Variants in USP38 observed in about 807,000 individuals in gnomAD.
USP38 encodes ubiquitin carboxyl-terminal hydrolase 38.
USP38 carries 49 observed loss-of-function variants against 94.3 expected under a neutral mutation model. The observed-to-expected ratio is 0.52, with a 90% CI of 0.41 to 0.66. The LOEUF is 0.66. Among genes scored for constraint, USP38 ranks in the 30% least tolerant of loss-of-function variants. USP38 has a pLI of 0.00. For synonymous variants in USP38, 468 were observed against 463.6 expected (o/e 1.01, Z -0.12); for missense variants, 1,128 against 1,229.4 (o/e 0.92, Z 1.23).
In USP38 at chr4:143,214,606, A is replaced by G; in HGVS notation, c.2630A>G (p.Gln877Arg). The G allele has an allele frequency of 6.2e-7, 1 of 1,613,674 alleles. No homozygotes were observed. The highest frequency in any genetic ancestry group is 8.5e-7 in the Non-Finnish European group (1 of 1,179,804). The change falls in exon 9 of 10, where the codon CAG becomes CGG. Residue 877 changes from glutamine to arginine, a missense_variant. Coordinates refer to ENST00000307017, the MANE Select transcript of USP38 (RefSeq NM_032557.6). ...STDSSYQMYH[Q>R]SEALALASSQ... is the part of the protein sequence containing the mutation. ...GACTCTTCATATCAGATGTACCACC[A>G]GTCTGAGGCTCTGGCATTAGCATCC...
chr4:143,185,951 C>T lies in USP38; in HGVS notation c.501C>T (p.Phe167=), dbSNP rs1319703899. The change falls in exon 1 of 10, where the codon TTC becomes TTT. Residue 167 remains phenylalanine, a synonymous_variant. Transcript: ENST00000307017. ...CIPKGKLSIT[F]CQQLVRTIGH... is the part of the protein sequence containing the mutation. ...CCAAGGGGAAATTGTCCATCACGTT[C>T]TGTCAACAGCTGGTTCGAACGATAG... is the stretch of plus-strand genomic sequence containing the variant. 1.9e-6 allele frequency: 3 copies of T among 1,614,192 alleles called. No individual in the cohort carries two copies. Among genetic ancestry groups the T allele is most frequent in the Non-Finnish European group, 2.5e-6 (3 of 1,180,042 alleles).
intron 4 of USP38, among the ~76,000 whole-genome samples, chr4:143,200,431 C>T (rs551933996): frequency 1.3e-5 from 2 of 152,192 alleles, no homozygotes; most frequent in East Asian, 1.9e-4. Context: ...ACATTATACT[C>T]AATGGGCAAA....
chr4:143,206,196 G>A lies in USP38; in HGVS notation c.1373G>A (p.Ser458Asn). The A allele has an allele frequency of 1.9e-6, 3 of 1,604,352 alleles. No homozygotes were observed. The highest frequency in any genetic ancestry group is 2.5e-6 in the Non-Finnish European group (3 of 1,176,888). The stretch of plus-strand genomic sequence containing the variant: ...CTAGGAAATACATGTTATATGAACA[G>A]TGTTATACAAGCCTTGTTTATGGCC... ...INLGNTCYMN[S>N]VIQALFMATD... Residue 458 changes from serine (S) to asparagine (N), a missense_variant, in exon 6 of 10, where the codon AGT (serine) becomes AAT (asparagine). Transcript: ENST00000307017.
At chr4:143,196,585 C>T (rs1445137359) in intron 3 of USP38, among the ~76,000 whole-genome samples, 1 of 152,260 alleles carries the variant, frequency 6.6e-6, no homozygotes, top group Non-Finnish European at 1.5e-5. Flanking sequence ...TTATCAGTCT[C>T]CTGTACTTAC....
intron 1 of USP38, among the ~76,000 whole-genome samples, 154 bp downstream of exon 1, chr4:143,186,286 A>G (rs919160413): frequency 2.6e-5 from 4 of 152,124 alleles, no homozygotes; most frequent in Non-Finnish European, 5.9e-5. Flanking sequence ...CACATTCACT[A>G]CCTTATTCAG....
At chr4:143,189,324 C>A (rs1316327470) in intron 2 of USP38, among the ~76,000 whole-genome samples, 1 of 151,962 alleles carries the variant, frequency 6.6e-6, no homozygotes, top group Middle Eastern at 3.4e-3. Context: ...TTGTGTCTGT[C>A]TGTTCTTATT....
chr4:143,189,432 C>T (rs1731330898), intron 2 of USP38, among the ~76,000 whole-genome samples: 1 of 151,928 alleles, frequency 6.6e-6, no homozygotes, highest in Non-Finnish European at 1.5e-5. Context: ...AAAATGGTTT[C>T]TGTGCCCCTG....
At position 143,185,332 on chromosome 4, in the gene USP38, C is replaced by G. The variant is rs1023317763; in HGVS notation, c.-119C>G. ...TGCTGAGGCGGCGGTGGCCGTGGCC[C>G]GTCGCGCTGCTGCTGCGGCGCTCCA... On this transcript the variant is annotated 5_prime_UTR_variant, in exon 1 of 10. Coordinates refer to ENST00000307017, the MANE Select transcript of USP38 (RefSeq NM_032557.6). 2.6e-6 allele frequency: 3 copies of G among 1,143,088 alleles called. No individual in the cohort carries two copies. The highest frequency in any genetic ancestry group is 1.6e-5 in the African/African-American group (1 of 64,106). 70.8% of individuals were successfully genotyped at this position (1,143,088 alleles called of 1,614,324 possible).
At chr4:143,217,764 G>A (rs927960411) in intron 9 of USP38, among the ~76,000 whole-genome samples, 3 of 152,116 alleles carry the variant, frequency 2.0e-5, no homozygotes, top group South Asian at 2.1e-4. Context: ...GGCAAGATCC[G>A]TGGTTTTGAA....
rs1376680766 is a variant in USP38 at position 143,214,846 on chromosome 4, G to A, written c.2870G>A (p.Gly957Asp). ...CAGCATAGTACTAATGGTTTAAGTG[G>A]TAATAACCCAACCAGTGGACTCTGG... ...KKQHSTNGLS[G>D]NNPTSGLWIN... Residue 957 changes from glycine (G) to aspartate (D), a missense_variant, in exon 9 of 10, where the codon GGT becomes GAT. Physicochemically the swap from Gly to Asp is moderately conservative, Grantham distance 94. Transcript: ENST00000307017. The A allele has an allele frequency of 3.4e-5, 55 of 1,613,566 alleles. No homozygotes were observed. Among genetic ancestry groups the A allele is most frequent in the Non-Finnish European group, 4.6e-5 (54 of 1,179,714 alleles).
Position 143,185,826 on chromosome 4 carries a change from C to G in USP38, c.376C>G (p.Leu126Val), listed in dbSNP as rs1461729562. Residue 126 changes from leucine (L) to valine (V), a missense_variant, in exon 1 of 10, where the codon CTC becomes GTC. Transcript: ENST00000307017. ...SCPSVLDLFS[L>V]LQVEVLRMVC... ...TCCGTCGGTGCTGGATCTCTTTAGC[C>G]TCCTGCAGGTAGAGGTGTTACGGAT... 1.2e-6 allele frequency: 2 copies of G among 1,614,102 alleles called. No individual in the cohort carries two copies. Among genetic ancestry groups the G allele is most frequent in the Admixed American group, 1.7e-5 (1 of 60,006 alleles).
chr4:143,206,719 T>C (rs1383223577), intron 6 of USP38, among the ~76,000 whole-genome samples: 1 of 152,144 alleles, frequency 6.6e-6, no homozygotes, highest in African/African-American at 2.4e-5. Context: ...TTAATTCTGC[T>C]TATTATTCAT....
chr4:143,202,106 A>C (rs1222359204), intron 4 of USP38, among the ~76,000 whole-genome samples: 1 of 152,042 alleles, frequency 6.6e-6, no homozygotes, highest in Non-Finnish European at 1.5e-5. Flanking sequence ...TCTGACTTTT[A>C]GCAAGAGAAT....
At chr4:143,186,878 G>A (rs572973477) in intron 1 of USP38, among the ~76,000 whole-genome samples, 1 of 152,184 alleles carries the variant, frequency 6.6e-6, no homozygotes, top group African/African-American at 2.4e-5. Context: ...GTTCATTTCC[G>A]CTCTACTTGG....
At chr4:143,215,292 G>T in intron 9 of USP38, 1 of 226,782 alleles carries the variant, frequency 4.4e-6, no homozygotes, top group Non-Finnish European at 8.7e-6. Flanking sequence ...GCTAAATGTG[G>T]TATTTATGCC....
Position 143,221,674 on chromosome 4 carries a change from GAGTTA to G in USP38, c.*1219_*1223del, listed in dbSNP as rs1428656513. ...TGGTTCTTGATTATACAGTACTCAAGAGTTATCCCAGTTATCCCCCTTCCTAAAGG... is the reference window on the plus strand; with the variant it reads ...TGGTTCTTGATTATACAGTACTCAAGTCCCAGTTATCCCCCTTCCTAAAGG... On this transcript the variant is annotated 3_prime_UTR_variant, in exon 10 of 10. Coordinates refer to ENST00000307017, the MANE Select transcript of USP38 (RefSeq NM_032557.6). 1 of 152,098 alleles carries G rather than the reference GAGTTA, an allele frequency of 6.6e-6. No individual in the cohort carries two copies. Among genetic ancestry groups the G allele is most frequent in the African/African-American group, 2.4e-5 (1 of 41,450 alleles). 9.4% of individuals were successfully genotyped at this position (152,098 alleles called of 1,614,324 possible). A position where few individuals can be genotyped will look rare whatever the true frequency, so the allele number is the denominator to read the frequency against.
At position 143,185,221 on chromosome 4, in the gene USP38, C is replaced by T. The variant is rs1051090745; in HGVS notation, c.-230C>T. ...AGTACGGGCCTCTGGCGCCTTAGGC[C>T]AGCCGCAGGTGTCGGTTCTTAGGCT... On this transcript the variant is annotated 5_prime_UTR_variant, in exon 1 of 10. Coordinates refer to ENST00000307017, the MANE Select transcript of USP38 (RefSeq NM_032557.6). 2.0e-6 allele frequency: 1 copy of T among 509,602 alleles called. No homozygotes were observed. Among genetic ancestry groups the T allele is most frequent in the African/African-American group, 2.0e-5 (1 of 50,442 alleles). 31.6% of individuals were successfully genotyped at this position (509,602 alleles called of 1,614,324 possible).
At chr4:143,202,729 G>T (rs1357623066) in intron 4 of USP38, among the ~76,000 whole-genome samples, 1 of 152,020 alleles carries the variant, frequency 6.6e-6, no homozygotes. Flanking sequence ...TATGAGCAAT[G>T]ATCATTTTAG....
chr4:143,219,436 T>C (rs997948027), intron 9 of USP38, among the ~76,000 whole-genome samples: 30 of 152,252 alleles, frequency 2.0e-4, no homozygotes, highest in African/African-American at 6.7e-4. Flanking sequence ...ACAAAATCAC[T>C]AGGCCTTAAG....
Sources: allele counts gnomAD v4.1 joint callset (sites outside exome capture counted in the v4.1 genomes callset), GRCh38; gene constraint gnomAD v4.1.1; transcripts MANE v1.5; gene names NCBI Gene and HGNC (gene_info 2026-07-23, HGNC 2026-07-21).